The following COL11A1 variants were observed in gnomAD, a reference collection of about 807,000 sequenced individuals.
COL11A1 encodes the protein collagen alpha-1(XI) chain.
A neutral mutation model predicts 265.2 loss-of-function variants in COL11A1; 74 were observed. The observed-to-expected ratio is 0.28, with a 90% CI of 0.23 to 0.34. The LOEUF (loss-of-function observed/expected upper bound fraction) is 0.34, where lower values mean the gene tolerates loss of function less well. Ranked by LOEUF, COL11A1 falls within the 10% of genes least tolerant of loss-of-function variation. The pLI, the probability that COL11A1 is intolerant of heterozygous loss-of-function variation, is 1.00. For missense variants in COL11A1, 2,165 were observed against 2,263.6 expected, an observed-to-expected ratio of 0.96 and a Z score of 0.88; for synonymous variants, 816 against 727.6, an observed-to-expected ratio of 1.12 and a Z score of -1.96.
In COL11A1 at chr1:102,883,241, A is replaced by T. The variant is rs1429267304; in HGVS notation, c.4929T>A (p.Ser1643=). Residue 1643 remains serine, a synonymous_variant, in exon 64 of 67, where the codon TCT becomes TCA. Transcript: ENST00000370096. The part of the protein sequence containing the change: ...DSFKVYCNFT[S]GGETCIYPDK... ...CTGGATAAATGCAAGTCTCACCACC[A>T]GATGTGAAATTACAGTAAACTTTGA... 1 of 1,613,680 alleles carries T rather than the reference A, an allele frequency of 6.2e-7. No homozygotes were observed. The highest frequency in any genetic ancestry group is 1.1e-5 in the South Asian group (1 of 91,078).
At position 103,025,523 on chromosome 1, in the gene COL11A1, C is replaced by G. The variant is rs779339225; in HGVS notation, c.988G>C (p.Glu330Gln). ...EAPRHVSGTNEPNPVEEIFTE... is the reference protein window; with the variant it reads ...EAPRHVSGTNQPNPVEEIFTE... ...TTAATACTGTCTATACGTATTACCTCATTTGTCCCAGAAACATGCCTAGGA... is the reference window on the plus strand; with the variant it reads ...TTAATACTGTCTATACGTATTACCTGATTTGTCCCAGAAACATGCCTAGGA... The change falls in exon 7 of 67, where the codon GAG becomes CAG. Residue 330 changes from glutamate to glutamine, a missense_variant and splice_region_variant. Glu to Gln is a conservative substitution (Grantham distance 29, BLOSUM62 2). Transcript: ENST00000370096. 6.2e-7 allele frequency: 1 copy of G among 1,606,152 alleles called. No homozygotes were observed. The highest frequency in any genetic ancestry group is 8.5e-7 in the Non-Finnish European group (1 of 1,173,112).
In COL11A1 at chr1:102,974,883, C is replaced by T. The variant is rs966015215; in HGVS notation, c.2755G>A (p.Gly919Ser). The T allele has an allele frequency of 2.5e-6, 4 of 1,612,766 alleles. No individual in the cohort carries two copies. Among genetic ancestry groups the T allele is most frequent in the South Asian group, 1.1e-5 (1 of 91,046 alleles). Residue 919 changes from glycine to serine, a missense_variant and splice_region_variant, in exon 36 of 67, where the codon GGT becomes AGT. Physicochemically the swap from Gly to Ser is moderately conservative, Grantham distance 56. Coordinates refer to ENST00000370096, the MANE Select transcript of COL11A1 (RefSeq NM_001854.4). ...DGPPGPPGER[G>S]PQGPQGPVGF... ...ACTGGACCCTGAGGTCCTTGAGGACCCTGGAAATAAAAAGCAGTGGGGAGA... is the reference window on the plus strand; with the variant it reads ...ACTGGACCCTGAGGTCCTTGAGGACTCTGGAAATAAAAAGCAGTGGGGAGA...
At position 102,902,905 on chromosome 1, in the gene COL11A1, A is replaced by ATG. The variant is rs1276673863; in HGVS notation, c.4087-3913_4087-3912dup. 2.6e-5 allele frequency among the ~76,000 whole-genome samples: 4 copies of ATG among 151,622 alleles called. No homozygotes were observed. In the East Asian group the frequency reaches 7.7e-4, roughly 29 times the overall value. On this transcript the variant is annotated intron_variant, in intron 54 of 66. Transcript: ENST00000370096. ...ATATATATACTATATTATATATATG[A>ATG]TGTGTGTGTGCATAATAAGTTAAAA...
At chr1:103,033,592 T>C (rs540779746) in intron 4 of COL11A1, among the ~76,000 whole-genome samples, 4 of 152,262 alleles carry the variant, frequency 2.6e-5, no homozygotes, top group South Asian at 4.1e-4. Flanking sequence ...AGTTTTATAA[T>C]TATTGTTTTA....
chr1:103,061,705 G>T (rs1165351367), intron 4 of COL11A1, among the ~76,000 whole-genome samples: 3 of 151,776 alleles, frequency 2.0e-5, no homozygotes, highest in Admixed American at 6.6e-5. Flanking sequence ...TTTCTTTGAG[G>T]GAAATCTATA....
In COL11A1 at chr1:102,878,148, T is replaced by C. The variant is rs756303349; in HGVS notation, c.5292A>G (p.Glu1764=). ...GTGTATTGATTTCAATGACAGTCTT[T>C]TCATAGCCTTTTCTGGACTGTAAAA... ...YDGCASRKGY[E]KTVIEINTPK... The change falls in exon 67 of 67, where the codon GAA becomes GAG. Residue 1764 remains glutamate, a synonymous_variant. Coordinates refer to ENST00000370096, the MANE Select transcript of COL11A1 (RefSeq NM_001854.4). 3.7e-6 allele frequency: 6 copies of C among 1,612,456 alleles called. No homozygotes were observed. Among genetic ancestry groups the C allele is most frequent in the Non-Finnish European group, 5.1e-6 (6 of 1,178,914 alleles).
At chr1:103,096,636 G>A (rs1673788701) in intron 1 of COL11A1, among the ~76,000 whole-genome samples, 1 of 151,940 alleles carries the variant, frequency 6.6e-6, no homozygotes, top group African/African-American at 2.4e-5. Context: ...ATGCTATCCA[G>A]AGCTACAATT....
At chr1:103,072,147 TATG>T (rs760306794) in intron 4 of COL11A1, among the ~76,000 whole-genome samples, 25 of 151,946 alleles carry the variant, frequency 1.6e-4, no homozygotes, top group Non-Finnish European at 3.2e-4. Flanking sequence ...GTGGTGAGCA[TATG>T]ATGAGCATAA....
At chr1:103,070,869 T>TGC (rs1350251925) in intron 4 of COL11A1, among the ~76,000 whole-genome samples, 5 of 151,966 alleles carry the variant, frequency 3.3e-5, no homozygotes, top group Non-Finnish European at 2.9e-5. Flanking sequence ...TATTGGATAA[T>TGC]ATATGCATTA....
At chr1:103,001,266 A>G (rs1665076769) in intron 24 of COL11A1, 2 of 397,270 alleles carry the variant, frequency 5.0e-6, no homozygotes, top group Non-Finnish European at 8.9e-6. Flanking sequence ...TAGTATTTAA[A>G]TTACACTTCG....
In COL11A1 at chr1:102,881,780, C is replaced by A. The variant is rs774357717; in HGVS notation, c.4972-15G>T. ...GAAATTCTTACCTGTTGCAAAGGAA[C>A]AGAAAAGTTAGTGAGTAGGTGAAAA... On this transcript the variant is annotated splice_polypyrimidine_tract_variant and intron_variant, in intron 64 of 66. Transcript: ENST00000370096. 15 of 1,609,490 alleles carry A rather than the reference C, an allele frequency of 9.3e-6. No individual in the cohort carries two copies. Among genetic ancestry groups the A allele is most frequent in the Non-Finnish European group, 1.3e-5 (15 of 1,176,796 alleles).
At chr1:102,945,992 C>T (rs1224710060) in intron 42 of COL11A1, among the ~76,000 whole-genome samples, 3 of 141,600 alleles carry the variant, frequency 2.1e-5, no homozygotes, top group Non-Finnish European at 3.1e-5. Context: ...GAATACTATG[C>T]AGCCATAAAA....
At chr1:103,045,402 T>A (rs775107610) in intron 4 of COL11A1, among the ~76,000 whole-genome samples, 12 of 152,090 alleles carry the variant, frequency 7.9e-5, no homozygotes, top group Non-Finnish European at 8.8e-5. Flanking sequence ...GAAAGATCAA[T>A]TAAAGGCTCT....
chr1:102,928,618 G>A (rs958017809), intron 46 of COL11A1, among the ~76,000 whole-genome samples: 2 of 151,998 alleles, frequency 1.3e-5, no homozygotes, highest in Non-Finnish European at 2.9e-5. Context: ...CCAGTAATGG[G>A]ATAGCTGGGT....
chr1:102,968,125 A>C (rs1423051526), intron 37 of COL11A1, among the ~76,000 whole-genome samples: 1 of 152,254 alleles, frequency 6.6e-6, no homozygotes, highest in East Asian at 1.9e-4. Context: ...TTTACAGTTC[A>C]CAACAAGTTG....
chr1:103,067,589 T>C (rs1671254517), intron 4 of COL11A1, among the ~76,000 whole-genome samples: 1 of 151,632 alleles, frequency 6.6e-6, no homozygotes, highest in African/African-American at 2.4e-5. Context: ...TTTTTCTTTT[T>C]CAAATCTATG....
chr1:102,990,574 C>G (rs1245937396), intron 28 of COL11A1, among the ~76,000 whole-genome samples: 3 of 151,772 alleles, frequency 2.0e-5, no homozygotes, highest in African/African-American at 7.3e-5. Context: ...TTATTGAAAC[C>G]TAGATTTTTA....
chr1:102,924,510 T>G (rs750925613), intron 46 of COL11A1, among the ~76,000 whole-genome samples: 1 of 152,218 alleles, frequency 6.6e-6, no homozygotes, highest in Non-Finnish European at 1.5e-5. Context: ...TTGTGTATAT[T>G]TACAGTCATG....
At chr1:102,952,887 A>T (rs977879600) in intron 41 of COL11A1, among the ~76,000 whole-genome samples, 1 of 152,186 alleles carries the variant, frequency 6.6e-6, no homozygotes, top group African/African-American at 2.4e-5. Context: ...TGGAGAAGTT[A>T]TATTTTTTAA....
Sources: gnomAD v4.1 joint callset for allele counts (sites outside exome capture counted in the v4.1 genomes callset) on GRCh38, gnomAD v4.1.1 for gene constraint, MANE v1.5 for transcripts, NCBI Gene and HGNC (gene_info 2026-07-23, HGNC 2026-07-21) for gene names.